Variants in TYK2 observed in about 807,000 individuals in gnomAD.
The protein encoded by TYK2 is non-receptor tyrosine-protein kinase TYK2.
TYK2 carries 65 observed loss-of-function variants against 130.9 expected under a neutral mutation model. The ratio of observed to expected loss-of-function variants is 0.50; its 90% confidence interval spans 0.41 to 0.61. The LOEUF is 0.61. Among genes scored for constraint, TYK2 ranks in the 20% least tolerant of loss-of-function variants. The pLI, the probability that TYK2 is intolerant of heterozygous loss-of-function variation, is 0.00. For synonymous variants in TYK2, 647 were observed against 658.9 expected (o/e 0.98, Z 0.28); for missense variants, 1,378 against 1,610.7 (o/e 0.86, Z 2.47).
chr19:10,352,531 T>C lies in TYK2; in HGVS notation c.3221A>G (p.Lys1074Arg). 1 of 1,561,020 alleles carries C rather than the reference T, an allele frequency of 6.4e-7. No individual in the cohort carries two copies. The highest frequency in any genetic ancestry group is 8.7e-7 in the Non-Finnish European group (1 of 1,148,578). Residue 1074 changes from lysine (K) to arginine (R), a missense_variant, in exon 23 of 25, where the codon AAG (lysine) becomes AGG (arginine). Transcript: ENST00000525621. ...TGACGCATAGTAGAACTTATACTCCTTCAGGCACTCTGGGGCATACCTAGG... is the reference window on the plus strand; with the variant it reads ...TGACGCATAGTAGAACTTATACTCCCTCAGGCACTCTGGGGCATACCTAGG... ...PVFWYAPECL[K>R]EYKFYYASDV... is the part of the protein sequence containing the mutation.
rs778815650 is a variant in TYK2 at position 10,365,778 on chromosome 19, G to A, written c.750C>T (p.Leu250=). Residue 250 remains leucine, a synonymous_variant, in exon 7 of 25, where the codon CTC becomes CTT. Transcript: ENST00000525621. ...ATTTGACCATGACCATCTGCTGGGA[G>A]AGTCGGCCCGGCTGGAAGTCCCGCA... ...RFLRDFQPGR[L]SQQMVMVKYL... is the part of the protein sequence containing the mutation. 1.2e-5 allele frequency: 20 copies of A among 1,612,420 alleles called. No individual in the cohort carries two copies. The highest frequency in any genetic ancestry group is 1.5e-5 in the Non-Finnish European group (18 of 1,179,816).
chr19:10,368,445 G>A (rs1384872765), intron 3 of TYK2, 27 bp from the exon 4 acceptor site: 2 of 1,613,818 alleles, frequency 1.2e-6, no homozygotes, highest in Admixed American at 3.3e-5. Flanking sequence ...ACGAGGTCAG[G>A]AGTCACGTCA....
At chr19:10,363,590 C>T (rs1263235009) in intron 9 of TYK2, among the ~76,000 whole-genome samples, 1 of 152,142 alleles carries the variant, frequency 6.6e-6, no homozygotes, top group Non-Finnish European at 1.5e-5. Context: ...CCATGACCAT[C>T]GCCACTCACA....
At chr19:10,352,796 C>T in intron 22 of TYK2, 130 bp downstream of exon 22, 10 of 1,251,448 alleles carry the variant, frequency 8.0e-6, no homozygotes, top group Non-Finnish European at 1.1e-5. Flanking sequence ...TAGGCCCCAC[C>T]CCCGCACCGC....
In TYK2 at chr19:10,365,831, G is replaced by A. The variant is rs1296148213; in HGVS notation, c.697C>T (p.Arg233Cys). 25 of 1,612,102 alleles carry A rather than the reference G, an allele frequency of 1.6e-5. No individual in the cohort carries two copies. The highest frequency in any genetic ancestry group is 1.2e-4 in the Admixed American group (7 of 59,846). ...IRQHSALTRL[R>C]LRNVFRRFLR... The stretch of plus-strand genomic sequence containing the variant: ...AACCTGCGGAAGACGTTCCGAAGGC[G>A]CAGCCGGGTCAGGGCGCTGTGCTGC... Residue 233 changes from arginine (R) to cysteine (C), a missense_variant, in exon 7 of 25, where the codon CGC becomes TGC. Transcript: ENST00000525621.
At chr19:10,365,452 G>A (rs2145248175) in intron 7 of TYK2, 65 bp downstream of exon 7, 1 of 1,605,248 alleles carries the variant, frequency 6.2e-7, no homozygotes, top group East Asian at 2.2e-5. Flanking sequence ...TAGGGTCAAG[G>A]ATGAACACAG....
In TYK2 at chr19:10,350,911, C is replaced by G. The variant is rs529855217; in HGVS notation, c.3487G>C (p.Glu1163Gln). ...GTCTTCAGAATGGGTATGAGGTTCT[C>G]GAAGGTTGGGCGAAAGGACGCCTCT... Reference protein sequence around the residue: ...ETEASFRPTFENLIPILKTVH... With the variant: ...ETEASFRPTFQNLIPILKTVH... Residue 1163 changes from glutamate (E) to glutamine (Q), a missense_variant, in exon 25 of 25, where the codon GAG becomes CAG. Transcript: ENST00000525621. 6.2e-7 allele frequency: 1 copy of G among 1,614,124 alleles called. No individual in the cohort carries two copies. The highest frequency in any genetic ancestry group is 8.5e-7 in the Non-Finnish European group (1 of 1,180,040).
rs2041148147 is a variant in TYK2 at position 10,357,289 on chromosome 19, TGAGACAG to T, written c.2466+468_2466+474del. 8 of 577,678 alleles carry T rather than the reference TGAGACAG, an allele frequency of 1.4e-5. No homozygotes were observed. The Admixed American group carries it at 1.8e-4, about 13-fold the overall frequency. 35.8% of individuals were successfully genotyped at this position (577,678 alleles called of 1,614,324 possible). On this transcript the variant is annotated intron_variant, in intron 17 of 24. Transcript: ENST00000525621. ...CTGTAATCCCCCCTACTCGGGAGGC[TGAGACAG>T]GAGAATCGCTTGAACCCAGGAGGCA...
At chr19:10,351,206 G>T in intron 23 of TYK2, 44 bp from the exon 24 acceptor site, 1 of 1,530,664 alleles carries the variant, frequency 6.5e-7, no homozygotes, top group Non-Finnish European at 9.0e-7. Context: ...GGCAATGAAA[G>T]GCAGGCACGG....
At position 10,354,079 on chromosome 19, in the gene TYK2, C is replaced by T. The variant is rs780521136; in HGVS notation, c.2871G>A (p.Glu957=). Reference sequence around the variant, plus strand: ...AGCAGCCCTTGTACTTGATGATGTGCTCGTGGTAGAGCGTGCGCAGAATGT... The same window carrying T: ...AGCAGCCCTTGTACTTGATGATGTGTTCGTGGTAGAGCGTGCGCAGAATGT... ...EIDILRTLYH[E]HIIKYKGCCE... The change falls in exon 20 of 25, where the codon GAG becomes GAA. Residue 957 remains glutamate (E), a synonymous_variant. Transcript: ENST00000525621. 1 of 1,614,110 alleles carries T rather than the reference C, an allele frequency of 6.2e-7. No individual in the cohort carries two copies. The highest frequency in any genetic ancestry group is 8.5e-7 in the Non-Finnish European group (1 of 1,180,030).
intron 17 of TYK2, chr19:10,357,005 A>C: frequency 2.0e-6 from 1 of 501,524 alleles, no homozygotes; most frequent in Non-Finnish European, 3.6e-6. Flanking sequence ...TCCTTAATAC[A>C]CTGAAGCCTC....
chr19:10,357,430 C>T (rs1390465250), intron 17 of TYK2: 4 of 683,196 alleles, frequency 5.9e-6, no homozygotes, highest in East Asian at 2.7e-5. Context: ...TTTGGGAAGC[C>T]TTGTCTGACC....
Position 10,361,904 on chromosome 19 carries a change from G to A in TYK2, c.1825C>T (p.Arg609Ter), listed in dbSNP as rs749285570. ...TCAGGGTCCCCGCTGCCCTCCACTC[G>A]CAGGCGGCCCTCATACACGTTGGTC... ...TRTNVYEGRL[R>*]VEGSGDPEEG... Residue 609 changes from arginine to a stop codon, truncating the protein, a stop_gained, in exon 13 of 25, where the codon CGA becomes TGA. Transcript: ENST00000525621. LOFTEE classifies it high-confidence loss of function. The surrounding 1 kb of genome is among the most constrained non-coding windows in gnomAD (Gnocchi z 4.0). 3.1e-6 allele frequency: 5 copies of A among 1,614,032 alleles called. No homozygotes were observed. The highest frequency in any genetic ancestry group is 1.7e-5 in the Admixed American group (1 of 60,006).
chr19:10,368,428 GT>G lies in TYK2; in HGVS notation c.194-11del. On this transcript the variant is annotated splice_polypyrimidine_tract_variant and intron_variant, in intron 3 of 24. Transcript: ENST00000525621. ...CAAGGAGGAGTGATACCTGGATCAG[GT>G]GAGAAACGAGGTCAGGAGTCACGTC... 11 of 1,614,136 alleles carry G rather than the reference GT, an allele frequency of 6.8e-6. No homozygotes were observed. The highest frequency in any genetic ancestry group is 9.3e-6 in the Non-Finnish European group (11 of 1,180,012).
At chr19:10,352,179 C>G (rs1024087907) in intron 23 of TYK2, among the ~76,000 whole-genome samples, 1 of 151,600 alleles carries the variant, frequency 6.6e-6, no homozygotes, top group African/African-American at 2.4e-5. Context: ...TCATGCCATT[C>G]TCCTGCCTCA....
intron 9 of TYK2, among the ~76,000 whole-genome samples, chr19:10,363,860 T>C (rs1031136662): frequency 6.6e-6 from 1 of 152,172 alleles, no homozygotes; most frequent in African/African-American, 2.4e-5. Flanking sequence ...GCCACAGGCC[T>C]CACAAGGTGA....
intron 7 of TYK2, 109 bp from the exon 8 acceptor site, chr19:10,365,157 A>G: frequency 1.6e-6 from 2 of 1,270,782 alleles, no homozygotes; most frequent in Non-Finnish European, 2.1e-6. Context: ...GCACCAACCT[A>G]GGTTGACCTC....
Position 10,364,522 on chromosome 19 carries a change from C to T in TYK2, c.1367+92G>A. On this transcript the variant is annotated intron_variant, in intron 9 of 24. Transcript: ENST00000525621. The surrounding 1 kb of genome is among the most constrained non-coding windows in gnomAD (Gnocchi z 4.9). The stretch of plus-strand genomic sequence containing the variant: ...AAAAATAAAAAAAAAATAAGACGTG[C>T]ACCTACACACACACCCTGCACAGCC... 1.4e-6 allele frequency: 2 copies of T among 1,419,292 alleles called. No homozygotes were observed. The highest frequency in any genetic ancestry group is 2.3e-5 in the South Asian group (2 of 85,480). The allele number at this position is 1,419,292 out of a possible 1,614,324, so 87.9% of individuals were successfully genotyped here.
At position 10,377,034 on chromosome 19, in the gene TYK2, T is replaced by G. The variant is rs377541369; in HGVS notation, c.193+1180A>C. On this transcript the variant is annotated intron_variant, in intron 3 of 24. Transcript: ENST00000525621. ...CTCTTGCCTCAGGCTCTCAAGTTGC[T>G]GGGACTACAGGCATGTACCACCATG... Among the ~76,000 whole-genome samples, 5 of 152,250 alleles carry G rather than the reference T, an allele frequency of 3.3e-5. No individual in the cohort carries two copies. The East Asian group carries it at 7.7e-4, about 24-fold the overall frequency.
Sources: allele counts gnomAD v4.1 joint callset (sites outside exome capture counted in the v4.1 genomes callset), GRCh38; gene constraint gnomAD v4.1.1; non-coding constraint Gnocchi (gnomAD v3.1); transcripts MANE v1.5; gene names NCBI Gene and HGNC (gene_info 2026-07-23, HGNC 2026-07-21).